The following LDB3 variants were observed in gnomAD, a reference collection of about 807,000 sequenced individuals.
The protein encoded by LDB3 is LIM domain-binding protein 3.
In LDB3, 49 loss-of-function variants were observed where a neutral mutation model predicts 69.0. The observed-to-expected ratio is 0.71, with a 90% CI of 0.56 to 0.90. The LOEUF is 0.90. Ranked by LOEUF, LDB3 falls within the 40% of genes least tolerant of loss-of-function variation. The pLI, the probability that LDB3 is intolerant of heterozygous loss-of-function variation, is 0.00. For missense variants in LDB3, 928 were observed against 974.1 expected (o/e 0.95, Z 0.63); for synonymous variants, 387 against 396.2 (o/e 0.98, Z 0.28).
At chr10:86,667,872 C>T (rs191903113), upstream of LDB3, among the ~76,000 whole-genome samples, 1 of 152,336 alleles carries the variant, frequency 6.6e-6, no homozygotes, top group Non-Finnish European at 1.5e-5. Context: ...ATCTGGCATG[C>T]ATTCTGTAGG....
At chr10:86,680,238 G>A (rs955417632) in intron 4 of LDB3, 81 bp downstream of exon 4, 47 of 1,337,680 alleles carry the variant, frequency 3.5e-5, no homozygotes, top group Non-Finnish European at 4.9e-5. Flanking sequence ...CTGGTCTTTG[G>A]CTGGCCCAAC....
chr10:86,691,964 A>G lies in LDB3; in HGVS notation c.758A>G (p.Gln253Arg). The G allele has an allele frequency of 1.2e-6, 2 of 1,614,220 alleles. No homozygotes were observed. The highest frequency in any genetic ancestry group is 1.7e-6 in the Non-Finnish European group (2 of 1,180,044). ...SPVYQAVIKS[Q>R]NKPEDEADEW... Reference sequence around the variant, plus strand: ...GTCTACCAGGCTGTGATTAAGAGCCAGAACAAGCCAGAAGATGAGGCTGAC... The same window carrying G: ...GTCTACCAGGCTGTGATTAAGAGCCGGAACAAGCCAGAAGATGAGGCTGAC... Residue 253 changes from glutamine (Q) to arginine (R), a missense_variant, in exon 6 of 14, where the codon CAG (glutamine) becomes CGG (arginine). Transcript: ENST00000361373.
At chr10:86,678,530 G>A (rs1844933378) in intron 2 of LDB3, among the ~76,000 whole-genome samples, 1 of 151,854 alleles carries the variant, frequency 6.6e-6, no homozygotes, top group Non-Finnish European at 1.5e-5. Flanking sequence ...AGTAGAGACA[G>A]GGTTTCACCA....
At chr10:86,713,369 C>A (rs529255861) in intron 9 of LDB3, among the ~76,000 whole-genome samples, 1 of 152,000 alleles carries the variant, frequency 6.6e-6, no homozygotes, top group South Asian at 2.1e-4. Context: ...GCCTTAGCCT[C>A]CCGAGTAGCT....
At chr10:86,670,553 C>A (rs1227562707) in intron 2 of LDB3, among the ~76,000 whole-genome samples, 2 of 152,182 alleles carry the variant, frequency 1.3e-5, no homozygotes, top group Non-Finnish European at 2.9e-5. Flanking sequence ...TCAGGATAGC[C>A]AATGACCTCA....
At chr10:86,719,339 C>T (rs1846993580) in intron 12 of LDB3, among the ~76,000 whole-genome samples, 1 of 151,722 alleles carries the variant, frequency 6.6e-6, no homozygotes, top group African/African-American at 2.4e-5. Context: ...CTGCAGTAAC[C>T]TGTGATAGCA....
At position 86,716,805 on chromosome 10, in the gene LDB3, T is replaced by A. The variant is rs1293996355; in HGVS notation, c.1676+34T>A. ...CAGCTGTGCCCCTGCACTGGGGCACTGGAAGGGCGTGTGTGTGGGGTGCTT... is the reference window on the plus strand; with the variant it reads ...CAGCTGTGCCCCTGCACTGGGGCACAGGAAGGGCGTGTGTGTGGGGTGCTT... On this transcript the variant is annotated intron_variant, in intron 10 of 13. Transcript: ENST00000361373. 1.9e-6 allele frequency: 3 copies of A among 1,559,554 alleles called. No homozygotes were observed. In the East Asian group the frequency reaches 7.1e-5, roughly 37 times the overall value.
chr10:86,682,866 C>T (rs1280543481), intron 5 of LDB3, among the ~76,000 whole-genome samples: 1 of 152,200 alleles, frequency 6.6e-6, no homozygotes, highest in East Asian at 1.9e-4. Flanking sequence ...AAGCCCATGC[C>T]CTTGCCTTTG....
intron 12 of LDB3, among the ~76,000 whole-genome samples, chr10:86,720,350 T>G (rs12770250): frequency 0.41 from 62,501 of 151,574 alleles, 14,660 homozygotes; most frequent in East Asian, 0.7. Context: ...AGGCTGAGGT[T>G]GAAGAATCGC....
chr10:86,730,748 T>C (rs1207176282), intron 13 of LDB3, among the ~76,000 whole-genome samples: 1 of 152,160 alleles, frequency 6.6e-6, no homozygotes, highest in Non-Finnish European at 1.5e-5. Context: ...GTATATAGAG[T>C]GTCTGGCATC....
At chr10:86,689,262 C>T (rs181258531) in intron 5 of LDB3, among the ~76,000 whole-genome samples, 4 of 152,198 alleles carry the variant, frequency 2.6e-5, no homozygotes, top group East Asian at 1.9e-4. Flanking sequence ...CTTGGCAGGG[C>T]GTCACCGCTG....
At chr10:86,687,008 C>T (rs1278198658) in intron 5 of LDB3, 12 of 1,531,504 alleles carry the variant, frequency 7.8e-6, no homozygotes, top group Admixed American at 5.0e-5. Flanking sequence ...CCCATGTAAC[C>T]GCCACCTGTT....
At chr10:86,679,202 C>T (rs112528048) in intron 2 of LDB3, among the ~76,000 whole-genome samples, 165 bp from the exon 3 acceptor site, 1 of 152,084 alleles carries the variant, frequency 6.6e-6, no homozygotes, top group South Asian at 2.1e-4. Flanking sequence ...AGTCATGTGC[C>T]GGAAAGAGGA....
intron 5 of LDB3, among the ~76,000 whole-genome samples, chr10:86,684,740 A>G (rs1255694005): frequency 6.6e-6 from 1 of 152,184 alleles, no homozygotes; most frequent in Non-Finnish European, 1.5e-5. Flanking sequence ...TACAGCCCAC[A>G]CTGGGCAGAT....
intron 5 of LDB3, among the ~76,000 whole-genome samples, chr10:86,684,964 G>A (rs1004367723): frequency 6.6e-6 from 1 of 152,214 alleles, no homozygotes; most frequent in African/African-American, 2.4e-5. Flanking sequence ...TCACTGTGCT[G>A]CCTCGGCTGT....
At chr10:86,685,770 C>A in intron 5 of LDB3, 1 of 1,564,188 alleles carries the variant, frequency 6.4e-7, no homozygotes. Context: ...GTGTGTCTGG[C>A]GTGGATAGAG....
chr10:86,719,586 T>C (rs137854926), intron 12 of LDB3, among the ~76,000 whole-genome samples: 1 of 152,266 alleles, frequency 6.6e-6, no homozygotes, highest in African/African-American at 2.4e-5. Context: ...TCTCTGAGCC[T>C]TACTTTCCTC....
At chr10:86,714,660 A>G (rs1234449187) in intron 9 of LDB3, among the ~76,000 whole-genome samples, 4 of 145,640 alleles carry the variant, frequency 2.7e-5, no homozygotes, top group African/African-American at 1.0e-4. Flanking sequence ...GGTTCACGCC[A>G]TTCTCCTGCC....
At chr10:86,703,077 A>G (rs565521954) in intron 7 of LDB3, among the ~76,000 whole-genome samples, 1 of 152,320 alleles carries the variant, frequency 6.6e-6, no homozygotes, top group Admixed American at 6.5e-5. Context: ...CTAACAGTGA[A>G]TTGGAGCCAA....
Sources: gnomAD v4.1 joint callset for allele counts (sites outside exome capture counted in the v4.1 genomes callset) on GRCh38, gnomAD v4.1.1 for gene constraint, MANE v1.5 for transcripts, NCBI Gene and HGNC (gene_info 2026-07-23, HGNC 2026-07-21) for gene names.